CNKSR2: variants seen among roughly 807,000 people sequenced by gnomAD.
CNKSR2 encodes CNK homolog protein 2.
Under a neutral mutation model 84.4 loss-of-function variants are expected in CNKSR2, and 14 were observed. The ratio of observed to expected loss-of-function variants is 0.17; its 90% CI spans 0.11 to 0.26. The LOEUF is 0.26. Ranked by LOEUF, CNKSR2 falls within the 10% of genes least tolerant of loss-of-function variation. The pLI, the probability that CNKSR2 is intolerant of heterozygous loss-of-function variation, is 1.00. For missense variants in CNKSR2, 485 were observed against 771.2 expected, an observed-to-expected ratio of 0.63 and a Z score of 4.40; for synonymous variants, 275 against 277.9, an observed-to-expected ratio of 0.99 and a Z score of 0.10.
chrX:21,561,761 G>A (rs1427719633), intron 12 of CNKSR2, among the ~76,000 whole-genome samples: 1 of 110,953 alleles, frequency 9.0e-6, no homozygotes, highest in Admixed American at 9.6e-5. Context: ...CCTTCTAAGG[G>A]GTTCCAGGTA....
intron 1 of CNKSR2, among the ~76,000 whole-genome samples, chrX:21,419,966 G>T (rs1427152607): frequency 1.8e-5 from 2 of 112,547 alleles, no homozygotes; most frequent in African/African-American, 6.5e-5. Flanking sequence ...GTGGGCTTGT[G>T]TTCTTCCCTT....
At chrX:21,504,626 A>C in intron 8 of CNKSR2, 1 of 275,435 alleles carries the variant, frequency 3.6e-6, no homozygotes, top group Non-Finnish European at 6.4e-6. Flanking sequence ...AATCAGATGA[A>C]TTCAAATACT....
chrX:21,374,627 A>AGCCGCC lies in CNKSR2; in HGVS notation c.-269_-268insCGCCGC, dbSNP rs770329895. The stretch of plus-strand genomic sequence containing the variant: ...CAGCAGCAGCAGCAGCAGCAGCAGC[A>AGCCGCC]GCAGCCGCCGCCGCCGCCGCCTTAG... On this transcript the variant is annotated 5_prime_UTR_variant, in exon 1 of 22. Coordinates refer to ENST00000379510, the MANE Select transcript of CNKSR2 (RefSeq NM_014927.5). 3.9e-4 allele frequency: 193 copies of AGCCGCC among 492,214 alleles called. 1 individual carries two copies. Among genetic ancestry groups the AGCCGCC allele is most frequent in the South Asian group, 2.8e-3 (105 of 36,992 alleles). 40.6% of individuals were successfully genotyped at this position (492,214 alleles called of 1,213,427 possible).
intron 1 of CNKSR2, among the ~76,000 whole-genome samples, chrX:21,421,287 GT>G (rs756375947): frequency 0.023 from 1,995 of 86,855 alleles, 42 homozygotes; most frequent in African/African-American, 0.05. Context: ...ATTTAAGATG[GT>G]TTTTTTTTTT....
At position 21,450,993 on chromosome X, in the gene CNKSR2, T is replaced by C. The variant is rs1393487401; in HGVS notation, c.519+10212T>C. Among the ~76,000 whole-genome samples the C allele has an allele frequency of 3.6e-5, 4 of 112,292 alleles. No homozygotes were observed. In the East Asian group the frequency reaches 1.1e-3, roughly 31 times the overall value. On this transcript the variant is annotated intron_variant, in intron 4 of 21. Transcript: ENST00000379510. ...AGTCTATTTTTGTATAAAATAGAAG[T>C]GTGAAGAAACTAAGTGTACTGTACT...
chrX:21,508,491 A>G (rs1346312006), intron 8 of CNKSR2, among the ~76,000 whole-genome samples: 1 of 112,241 alleles, frequency 8.9e-6, no homozygotes, highest in Non-Finnish European at 1.9e-5. Context: ...AAGCTTTCAG[A>G]CCCATTCAGT....
Position 21,551,858 on chromosome X carries a change from A to C in CNKSR2, c.1304-9613A>C, listed in dbSNP as rs145851522. On this transcript the variant is annotated intron_variant, in intron 11 of 21. Transcript: ENST00000379510. The stretch of plus-strand genomic sequence containing the variant: ...ATCAAAGTCAGAGACCTTGTATGGC[A>C]CAGAGGTGATTGCCTTATATTTTTT... Among the ~76,000 whole-genome samples the C allele has an allele frequency of 3.1e-3, 351 of 111,925 alleles. 3 individuals are homozygous for C. Among genetic ancestry groups the C allele is most frequent in the Admixed American group, 0.027 (287 of 10,552 alleles).
chrX:21,633,406 T>C (rs1257563197), intron 20 of CNKSR2, among the ~76,000 whole-genome samples: 1 of 112,544 alleles, frequency 8.9e-6, no homozygotes, highest in African/African-American at 3.2e-5. Flanking sequence ...GCTAGCACCA[T>C]AAAGGTGCCG....
In CNKSR2 at chrX:21,440,690, A is replaced by G. The variant is rs1463892096; in HGVS notation, c.432-4A>G. On this transcript the variant is annotated splice_polypyrimidine_tract_variant and splice_region_variant and intron_variant, in intron 3 of 21. Coordinates refer to ENST00000379510, the MANE Select transcript of CNKSR2 (RefSeq NM_014927.5). ...TAATCACAATTTTCCTTTTCCCTTT[A>G]TAGGTCACCATTTGCTGCTGTGACA... The G allele has an allele frequency of 2.6e-6, 3 of 1,154,894 alleles. No homozygotes were observed. The highest frequency in any genetic ancestry group is 1.8e-5 in the African/African-American group (1 of 56,026).
intron 20 of CNKSR2, among the ~76,000 whole-genome samples, chrX:21,636,484 C>T (rs2092672827): frequency 9.0e-6 from 1 of 111,093 alleles, no homozygotes; most frequent in Non-Finnish European, 1.9e-5. Context: ...TCAGAAGCAA[C>T]CCAATCTGCC....
chrX:21,583,817 T>C (rs770060274), intron 13 of CNKSR2, among the ~76,000 whole-genome samples: 2 of 111,568 alleles, frequency 1.8e-5, no homozygotes, highest in Non-Finnish European at 3.8e-5. Context: ...CCCACACTTC[T>C]CCATCCAAAA....
chrX:21,639,065 GTTTGACTAT>G (rs944370742), intron 20 of CNKSR2, among the ~76,000 whole-genome samples: 2 of 111,966 alleles, frequency 1.8e-5, no homozygotes, highest in Non-Finnish European at 3.8e-5. Context: ...ATTTTAACTG[GTTTGACTAT>G]TTTGACTTTG....
At chrX:21,378,530 C>T (rs1029202221) in intron 1 of CNKSR2, among the ~76,000 whole-genome samples, 2 of 111,075 alleles carry the variant, frequency 1.8e-5, no homozygotes, top group African/African-American at 6.5e-5. Context: ...TATTTGAGTC[C>T]CCAGACCATC....
chrX:21,634,687 G>A (rs1315945770), intron 20 of CNKSR2, among the ~76,000 whole-genome samples: 1 of 108,523 alleles, frequency 9.2e-6, no homozygotes, highest in Non-Finnish European at 1.9e-5. Flanking sequence ...TTATTCTGCT[G>A]TCAGTACCCC....
chrX:21,524,526 G>A (rs1328836984), intron 9 of CNKSR2, among the ~76,000 whole-genome samples: 1 of 110,829 alleles, frequency 9.0e-6, no homozygotes, highest in African/African-American at 3.3e-5. Context: ...TTCTTGGAAG[G>A]GAAAAGACAC....
intron 17 of CNKSR2, among the ~76,000 whole-genome samples, chrX:21,599,452 G>A (rs1322631587): frequency 2.8e-5 from 3 of 105,647 alleles, no homozygotes; most frequent in Non-Finnish European, 5.8e-5. Context: ...TGCAACTTCC[G>A]CCTCCCAATT....
intron 1 of CNKSR2, among the ~76,000 whole-genome samples, chrX:21,393,684 G>A (rs2090082323): frequency 8.9e-6 from 1 of 112,417 alleles, no homozygotes; most frequent in Non-Finnish European, 1.9e-5. Context: ...TGCAGATGGT[G>A]AGAAGTAGAC....
At position 21,374,663 on chromosome X, in the gene CNKSR2, G is replaced by T. The variant is rs1484953766; in HGVS notation, c.-235G>T. 3.9e-6 allele frequency: 2 copies of T among 511,837 alleles called. No homozygotes were observed. Among genetic ancestry groups the T allele is most frequent in the African/African-American group, 4.7e-5 (2 of 42,855 alleles). 42.2% of individuals were successfully genotyped at this position (511,837 alleles called of 1,213,427 possible). On this transcript the variant is annotated 5_prime_UTR_variant, in exon 1 of 22. Coordinates refer to ENST00000379510, the MANE Select transcript of CNKSR2 (RefSeq NM_014927.5). ...CCGCCGCCGCCTTAGCGGGAACTGA[G>T]CAGACCCGGCGCGGAGCCACGACTC...
At chrX:21,522,463 A>T (rs1484622465) in intron 9 of CNKSR2, among the ~76,000 whole-genome samples, 1 of 111,136 alleles carries the variant, frequency 9.0e-6, no homozygotes, top group Non-Finnish European at 1.9e-5. Context: ...GCTGTATCAA[A>T]GCTGGGTCAC....
Sources: gnomAD v4.1 joint callset for allele counts (sites outside exome capture counted in the v4.1 genomes callset) on GRCh38, gnomAD v4.1.1 for gene constraint, MANE v1.5 for transcripts, NCBI Gene and HGNC (gene_info 2026-07-23, HGNC 2026-07-21) for gene names.